ARHGAP12: variants seen among roughly 807,000 people sequenced by gnomAD.
ARHGAP12 encodes the protein rho GTPase-activating protein 12.
A neutral mutation model predicts 108.6 loss-of-function variants in ARHGAP12; 64 were observed. The observed-to-expected ratio is 0.59, with a 90% CI of 0.48 to 0.73. ARHGAP12 has a LOEUF of 0.73. Among genes scored for constraint, ARHGAP12 ranks in the 30% least tolerant of loss-of-function variants. The pLI is 0.00. For synonymous variants in ARHGAP12, 312 were observed against 337.2 expected (o/e 0.93, Z 0.82); for missense variants, 940 against 1,005.9 (o/e 0.93, Z 0.89).
chr10:31,897,177 G>A (rs1592354207), intron 3 of ARHGAP12, among the ~76,000 whole-genome samples: 1 of 152,194 alleles, frequency 6.6e-6, no homozygotes, highest in East Asian at 1.9e-4. Flanking sequence ...TAACTAGTAT[G>A]AAATAAGCCC....
chr10:31,875,686 C>T (rs1837702861), intron 3 of ARHGAP12, among the ~76,000 whole-genome samples: 1 of 152,174 alleles, frequency 6.6e-6, no homozygotes, highest in South Asian at 2.1e-4. Flanking sequence ...ATAAAATATA[C>T]ATAACATAAA....
intron 1 of ARHGAP12, among the ~76,000 whole-genome samples, chr10:31,910,892 G>C (rs1396392338): frequency 6.6e-6 from 1 of 152,186 alleles, no homozygotes; most frequent in Non-Finnish European, 1.5e-5. Flanking sequence ...TTATAAAACT[G>C]TGAGGATGAA....
chr10:31,915,688 T>C (rs1049688268), intron 1 of ARHGAP12, among the ~76,000 whole-genome samples: 3 of 152,148 alleles, frequency 2.0e-5, no homozygotes, highest in African/African-American at 4.8e-5. Context: ...AAAAACTATA[T>C]TGTACATAAT....
intron 3 of ARHGAP12, among the ~76,000 whole-genome samples, chr10:31,876,451 A>C (rs1254985104): frequency 6.6e-6 from 1 of 151,738 alleles, no homozygotes; most frequent in African/African-American, 2.4e-5. Context: ...CAGATGTTCC[A>C]GTGAGCCAAA....
intron 3 of ARHGAP12, among the ~76,000 whole-genome samples, chr10:31,862,794 T>C (rs1837178963): frequency 6.6e-6 from 1 of 151,904 alleles, no homozygotes; most frequent in African/African-American, 2.4e-5. Flanking sequence ...CACTGATGAA[T>C]GTCCCTTGGG....
At chr10:31,902,004 G>GT (rs1838947333) in intron 3 of ARHGAP12, among the ~76,000 whole-genome samples, 1 of 152,124 alleles carries the variant, frequency 6.6e-6, no homozygotes, top group South Asian at 2.1e-4. Flanking sequence ...CCCAAATAAG[G>GT]TAACATTCAC....
intron 1 of ARHGAP12, among the ~76,000 whole-genome samples, chr10:31,922,394 G>A (rs1408705490): frequency 1.3e-5 from 2 of 149,336 alleles, no homozygotes; most frequent in Non-Finnish European, 3.0e-5. Context: ...TCCACATGAA[G>A]TAGACAAATT....
intron 3 of ARHGAP12, among the ~76,000 whole-genome samples, chr10:31,876,603 A>C (rs117999841): frequency 6.4e-4 from 98 of 152,194 alleles, no homozygotes; most frequent in Non-Finnish European, 1.2e-3. Context: ...AACATCTTAC[A>C]TATGCACTGA....
intron 13 of ARHGAP12, among the ~76,000 whole-genome samples, chr10:31,815,262 T>C (rs1835164202): frequency 6.6e-6 from 1 of 152,210 alleles, no homozygotes; most frequent in South Asian, 2.1e-4. Context: ...TGGAGATCTT[T>C]ACTCCACCTG....
rs2132308048 is a variant in ARHGAP12 at position 31,861,553 on chromosome 10, C to T, written c.790G>A (p.Ala264Thr). The change falls in exon 4 of 20, where the codon GCA becomes ACA. Residue 264 changes from alanine to threonine, a missense_variant. Ala to Thr is a moderately conservative substitution (Grantham distance 58, BLOSUM62 0). Transcript: ENST00000344936. ...TCCCATTCTCCATTAATCTGAATTG[C>T]CGGGCTCCCAGGAAGTGGGGGAAGA... ...SALPPLPGSPAIQINGEWETH... is the reference protein window; with the variant it reads ...SALPPLPGSPTIQINGEWETH... 6.2e-7 allele frequency: 1 copy of T among 1,614,140 alleles called. No homozygotes were observed. The highest frequency in any genetic ancestry group is 1.1e-5 in the South Asian group (1 of 91,082).
At chr10:31,831,695 T>G in intron 10 of ARHGAP12, 44 bp downstream of exon 10, 2 of 1,327,378 alleles carry the variant, frequency 1.5e-6, no homozygotes, top group South Asian at 2.7e-5. Flanking sequence ...TTTTAATTTA[T>G]TTCAGATGAA....
chr10:31,807,343 T>C lies in ARHGAP12; in HGVS notation c.*315A>G, dbSNP rs1834851949. On this transcript the variant is annotated 3_prime_UTR_variant, in exon 20 of 20. Transcript: ENST00000344936. ...ATTTCAGGGAAAAAAAATACAGTTT[T>C]CTTACCAAATTATCCAGTGTATATG... The C allele has an allele frequency of 5.0e-6, 1 of 199,766 alleles. No individual in the cohort carries two copies. Among genetic ancestry groups the C allele is most frequent in the East Asian group, 1.2e-4 (1 of 8,636 alleles). The allele number at this position is 199,766 out of a possible 1,614,324, so 12.4% of individuals were successfully genotyped here.
intron 13 of ARHGAP12, among the ~76,000 whole-genome samples, chr10:31,817,213 A>G (rs80114913): frequency 0.024 from 3,615 of 152,238 alleles, 156 homozygotes; most frequent in African/African-American, 0.081. Flanking sequence ...TTTCAAAAAA[A>G]AAAAGTACAG....
chr10:31,847,350 T>C (rs1462039918), intron 6 of ARHGAP12, among the ~76,000 whole-genome samples: 1 of 152,190 alleles, frequency 6.6e-6, no homozygotes, highest in East Asian at 1.9e-4. Context: ...TTTTAGCAGG[T>C]TGTGAACCCC....
chr10:31,839,744 T>C (rs1484176626), intron 7 of ARHGAP12, 33 bp from the exon 8 acceptor site: 2 of 1,512,090 alleles, frequency 1.3e-6, no homozygotes, highest in Non-Finnish European at 1.8e-6. Context: ...AAAGTTACTC[T>C]ATTTTATATA....
intron 3 of ARHGAP12, among the ~76,000 whole-genome samples, chr10:31,889,619 G>GTTTTT (rs869116452): frequency 8.6e-4 from 57 of 66,454 alleles, no homozygotes; most frequent in Non-Finnish European, 1.2e-3. Context: ...AATTTTTCTC[G>GTTTTT]TTTTTTTTTT....
At chr10:31,837,084 C>T (rs1836050873) in intron 9 of ARHGAP12, among the ~76,000 whole-genome samples, 1 of 152,178 alleles carries the variant, frequency 6.6e-6, no homozygotes, top group African/African-American at 2.4e-5. Flanking sequence ...AATTTGAAAA[C>T]AGTCCTTGTA....
At position 31,908,737 on chromosome 10, in the gene ARHGAP12, T is replaced by G; in HGVS notation, c.119A>C (p.Tyr40Ser). The G allele has an allele frequency of 6.2e-7, 1 of 1,614,158 alleles. No individual in the cohort carries two copies. The highest frequency in any genetic ancestry group is 8.5e-7 in the Non-Finnish European group (1 of 1,180,034). ...ATCATTGGTCTTTTTCACCAAGATG[T>G]ACCTCTCCCCTTGTTTTATCACAAT... The part of the protein sequence containing the change: ...RKIVIKQGER[Y>S]ILVKKTNDDW... The change falls in exon 3 of 20, where the codon TAC becomes TCC. Residue 40 changes from tyrosine (Y) to serine (S), a missense_variant. Coordinates refer to ENST00000344936, the MANE Select transcript of ARHGAP12 (RefSeq NM_018287.7).
At chr10:31,833,439 AG>A (rs1835905418) in intron 9 of ARHGAP12, among the ~76,000 whole-genome samples, 2 of 152,254 alleles carry the variant, frequency 1.3e-5, no homozygotes, top group East Asian at 1.9e-4. Context: ...TAAGGATGAG[AG>A]GGAGAGTCTA....
Sources: gnomAD v4.1 joint callset for allele counts (sites outside exome capture counted in the v4.1 genomes callset) on GRCh38, gnomAD v4.1.1 for gene constraint, MANE v1.5 for transcripts, NCBI Gene and HGNC (gene_info 2026-07-23, HGNC 2026-07-21) for gene names.